The following CADM1 variants were observed in gnomAD, a reference collection of about 807,000 sequenced individuals.
The protein encoded by CADM1 is TSLC-1.
In CADM1, 15 loss-of-function variants were observed where a neutral mutation model predicts 53.1. The ratio of observed to expected loss-of-function variants is 0.28; its 90% CI spans 0.19 to 0.44. The LOEUF (loss-of-function observed/expected upper bound fraction) is 0.44. CADM1 is among the 20% of genes least tolerant of loss of function. The probability of loss-of-function intolerance (pLI) is 1.00; values close to 1 mark genes in which losing one functional copy is unlikely to be tolerated. For missense variants in CADM1, 434 were observed against 611.3 expected, an observed-to-expected ratio of 0.71 and a Z score of 3.06; for synonymous variants, 281 against 243.0, an observed-to-expected ratio of 1.16 and a Z score of -1.45.
chr11:115,235,619 A>G (rs1407273750), intron 3 of CADM1, among the ~76,000 whole-genome samples: 1 of 152,240 alleles, frequency 6.6e-6, no homozygotes, highest in African/African-American at 2.4e-5. Context: ...TACGCCTACA[A>G]CATTTAACAA....
At chr11:115,209,451 G>A (rs1360141064) in intron 8 of CADM1, 123 bp downstream of exon 8, 16 of 1,433,442 alleles carry the variant, frequency 1.1e-5, no homozygotes, top group Non-Finnish European at 1.4e-5. Flanking sequence ...TGTCGTTGGA[G>A]TTCCAAAATA....
At chr11:115,457,293 T>A (rs960429095) in intron 1 of CADM1, among the ~76,000 whole-genome samples, 1 of 152,198 alleles carries the variant, frequency 6.6e-6, no homozygotes, top group Non-Finnish European at 1.5e-5. Flanking sequence ...TTAGAGGTGC[T>A]CGATAAGTCG....
chr11:115,190,495 CTTG>C (rs1384998977), intron 10 of CADM1: 1 of 168,896 alleles, frequency 5.9e-6, no homozygotes, highest in African/African-American at 2.4e-5. Flanking sequence ...CAATGAGTTG[CTTG>C]TTTTTTTTTT....
chr11:115,430,720 G>A (rs1362367739), intron 1 of CADM1, among the ~76,000 whole-genome samples: 3 of 152,134 alleles, frequency 2.0e-5, no homozygotes, highest in Admixed American at 6.5e-5. Flanking sequence ...AATGCCGCAG[G>A]ACCAGAGATT....
chr11:115,439,565 A>T (rs1565428651), intron 1 of CADM1, among the ~76,000 whole-genome samples: 1 of 152,204 alleles, frequency 6.6e-6, no homozygotes, highest in East Asian at 1.9e-4. Flanking sequence ...GCTGAAAAGG[A>T]CCAATTACTT....
At position 115,174,741 on chromosome 11, in the gene CADM1, ATATAT is replaced by A. The variant is rs1938941884; in HGVS notation, c.*1728_*1732del. The A allele has an allele frequency of 2.3e-6, 2 of 876,902 alleles. No homozygotes were observed. Among genetic ancestry groups the A allele is most frequent in the Non-Finnish European group, 2.7e-6 (2 of 731,236 alleles). 54.3% of individuals were successfully genotyped at this position (876,902 alleles called of 1,614,324 possible). A position where few individuals can be genotyped will look rare whatever the true frequency, so the allele number is the denominator to read the frequency against. On this transcript the variant is annotated 3_prime_UTR_variant, in exon 12 of 12. Coordinates refer to ENST00000331581, the MANE Select transcript of CADM1 (RefSeq NM_001301043.2). Reference sequence around the variant, plus strand: ...TTACTCACTGAAAATGTAATAGAATATATATTTATATATATATATAGATCTATCTT... The same window carrying A: ...TTACTCACTGAAAATGTAATAGAATATTATATATATATATAGATCTATCTT...
chr11:115,330,615 A>G (rs929044662), intron 1 of CADM1, among the ~76,000 whole-genome samples: 4 of 152,044 alleles, frequency 2.6e-5, no homozygotes, highest in African/African-American at 7.3e-5. Context: ...AGTGTTGGGG[A>G]TTCAGTGAGA....
chr11:115,462,275 T>A (rs575734505), intron 1 of CADM1, among the ~76,000 whole-genome samples: 3 of 152,342 alleles, frequency 2.0e-5, no homozygotes, highest in East Asian at 3.9e-4. Context: ...GAAAGCTGAC[T>A]GCTTCCGCCG....
At chr11:115,415,527 G>A (rs545715826) in intron 1 of CADM1, among the ~76,000 whole-genome samples, 17 of 152,028 alleles carry the variant, frequency 1.1e-4, no homozygotes, top group African/African-American at 4.1e-4. Flanking sequence ...GACAAGGAAC[G>A]ATTAAAATTT....
At chr11:115,456,066 A>G in intron 1 of CADM1, among the ~76,000 whole-genome samples, 1 of 152,306 alleles carries the variant, frequency 6.6e-6, no homozygotes, top group Non-Finnish European at 1.5e-5. Context: ...TTTAAAATTA[A>G]TGATGGTAAA....
At chr11:115,387,899 C>CT (rs1229035164) in intron 1 of CADM1, among the ~76,000 whole-genome samples, 1 of 151,178 alleles carries the variant, frequency 6.6e-6, no homozygotes, top group Non-Finnish European at 1.5e-5. Flanking sequence ...CCTTTCTCCT[C>CT]TAAAAAAAAA....
intron 1 of CADM1, among the ~76,000 whole-genome samples, chr11:115,459,932 A>G (rs960494059): frequency 6.6e-6 from 1 of 152,140 alleles, no homozygotes; most frequent in Non-Finnish European, 1.5e-5. Flanking sequence ...GTGTTTATAT[A>G]TAATTTGTTT....
At chr11:115,178,498 T>TTTTTC in intron 11 of CADM1, 146 bp downstream of exon 11, 1 of 809,046 alleles carries the variant, frequency 1.2e-6, no homozygotes. Context: ...TTTTTTTTTT[T>TTTTTC]TTCTCTTCTC....
chr11:115,439,269 A>G (rs1948254674), intron 1 of CADM1, among the ~76,000 whole-genome samples: 1 of 152,174 alleles, frequency 6.6e-6, no homozygotes, highest in Admixed American at 6.5e-5. Flanking sequence ...GGACATACAG[A>G]AGAAATTCCT....
intron 1 of CADM1, among the ~76,000 whole-genome samples, chr11:115,387,031 A>G (rs1359836872): frequency 6.6e-6 from 1 of 152,192 alleles, no homozygotes; most frequent in East Asian, 1.9e-4. Flanking sequence ...TTGTACACAG[A>G]CAAAGGGGCT....
intron 8 of CADM1, among the ~76,000 whole-genome samples, chr11:115,200,927 C>T (rs1940395275): frequency 1.3e-5 from 2 of 152,296 alleles, no homozygotes; most frequent in African/African-American, 4.8e-5. Flanking sequence ...TGTCTTCCTA[C>T]ATCACAACAT....
intron 1 of CADM1, among the ~76,000 whole-genome samples, chr11:115,307,506 A>C (rs1944406320): frequency 1.2e-5 from 1 of 84,594 alleles, no homozygotes; most frequent in Admixed American, 1.3e-4. Flanking sequence ...TATTTAAGCC[A>C]GGAAAAAAAA....
chr11:115,393,853 T>C (rs1565403650), intron 1 of CADM1, among the ~76,000 whole-genome samples: 1 of 151,952 alleles, frequency 6.6e-6, no homozygotes, highest in African/African-American at 2.4e-5. Flanking sequence ...TTACTGATAA[T>C]AAATGGACTT....
intron 1 of CADM1, among the ~76,000 whole-genome samples, chr11:115,327,621 C>T (rs1944994102): frequency 6.6e-6 from 1 of 152,050 alleles, no homozygotes; most frequent in Non-Finnish European, 1.5e-5. Context: ...AACACACCTA[C>T]TGAGACCCAA....
Sources: allele counts gnomAD v4.1 joint callset (sites outside exome capture counted in the v4.1 genomes callset), GRCh38; gene constraint gnomAD v4.1.1; transcripts MANE v1.5; gene names NCBI Gene and HGNC (gene_info 2026-07-23, HGNC 2026-07-21).